SLC39A4: variants seen among roughly 807,000 people sequenced by gnomAD.
SLC39A4 encodes solute carrier family 39 member 4, also known as zinc transporter ZIP4.
Under a neutral mutation model 56.6 loss-of-function variants are expected in SLC39A4, and 49 were observed. That is an observed-to-expected ratio of 0.87 (90% CI 0.69 to 1.10). SLC39A4 has a LOEUF of 1.10. Ranked by LOEUF, SLC39A4 falls within the 50% of genes least tolerant of loss-of-function variation. The probability of loss-of-function intolerance (pLI) is 0.00; values close to 1 mark genes in which losing one functional copy is unlikely to be tolerated. For synonymous variants in SLC39A4, 540 were observed against 420.4 expected, an observed-to-expected ratio of 1.28 and a Z score of -3.48; for missense variants, 993 against 864.2, an observed-to-expected ratio of 1.15 and a Z score of -1.87.
Position 144,415,984 on chromosome 8 carries a change from G to C in SLC39A4, c.300C>G (p.Ala100=), listed in dbSNP as rs374813285. 2 of 1,591,098 alleles carry C rather than the reference G, an allele frequency of 1.3e-6. No individual in the cohort carries two copies. The highest frequency in any genetic ancestry group is 1.7e-6 in the Non-Finnish European group (2 of 1,170,396). The change falls in exon 2 of 12, where the codon GCC becomes GCG. Residue 100 remains alanine, a synonymous_variant. Coordinates refer to ENST00000301305, the MANE Select transcript of SLC39A4 (RefSeq NM_130849.4). ...ARYVARLSAA[A]VLYLSNPEGT... ...CCTCGGGGTTGCTGAGGTACAGGAC[G>C]GCGGCGGCACTGAGGCGGGCGACGT... is the stretch of plus-strand genomic sequence containing the variant.
rs782717750 is a variant in SLC39A4 at position 144,416,777 on chromosome 8, C to G, written c.13G>C (p.Val5Leu). The G allele has an allele frequency of 1.9e-6, 3 of 1,612,222 alleles. No homozygotes were observed. In the Admixed American group the frequency reaches 5.0e-5, roughly 27 times the overall value. Residue 5 changes from valine (V) to leucine (L), a missense_variant, in exon 1 of 12, where the codon GTC becomes CTC. Transcript: ENST00000301305. MASL[V>L]SLELGLLLAV... is the part of the protein sequence containing the mutation. ...AGAAGCAGCCCCAGCTCCAGCGAGA[C>G]CAGGGACGCCATACTCAGCTCCCAG...
chr8:144,415,466 C>T lies in SLC39A4; in HGVS notation c.475-47G>A, dbSNP rs1554873667. The T allele has an allele frequency of 1.9e-6, 3 of 1,542,376 alleles. No homozygotes were observed. In the East Asian group the frequency reaches 7.2e-5, roughly 37 times the overall value. ...CCTCAGCCTTTGGTGTGACCTTCTGCCATCCACCCCGCTGCCCCTGGATGC... is the reference window on the plus strand; with the variant it reads ...CCTCAGCCTTTGGTGTGACCTTCTGTCATCCACCCCGCTGCCCCTGGATGC... On this transcript the variant is annotated intron_variant, in intron 2 of 11. Transcript: ENST00000301305.
Position 144,413,865 on chromosome 8 carries a change from G to C in SLC39A4, c.1304C>G (p.Pro435Arg), listed in dbSNP as rs781957662. 6.2e-7 allele frequency: 1 copy of C among 1,603,398 alleles called. No homozygotes were observed. The highest frequency in any genetic ancestry group is 1.1e-5 in the South Asian group (1 of 89,726). Residue 435 changes from proline to arginine, a missense_variant, in exon 8 of 12, where the codon CCC becomes CGC. Transcript: ENST00000301305. ...GTGGCTATGGCTGCTGTGGCCGCAG[G>C]GCCCGTCCTCCAGGTCCTGTGAGGG... is the stretch of plus-strand genomic sequence containing the variant. ...PRDPEDLEDG[P>R]CGHSSHSHGG...
intron 1 of SLC39A4, 24 bp from the exon 2 acceptor site, chr8:144,416,115 G>T: frequency 6.2e-7 from 1 of 1,600,086 alleles, no homozygotes. Context: ...CAAGTGAGCA[G>T]GGGCGCTGGG....
chr8:144,412,480 G>C lies in SLC39A4; in HGVS notation c.*58C>G. ...CTCTATAGGGGCTTCTGGTTTCTGG[G>C]CTGTAGGTTTGTGAGGTGTGGGATC... On this transcript the variant is annotated 3_prime_UTR_variant, in exon 12 of 12. Transcript: ENST00000301305. 2 of 1,613,588 alleles carry C rather than the reference G, an allele frequency of 1.2e-6. No homozygotes were observed. The highest frequency in any genetic ancestry group is 8.5e-7 in the Non-Finnish European group (1 of 1,179,872).
intron 6 of SLC39A4, 74 bp from the exon 7 acceptor site, chr8:144,414,169 G>T: frequency 6.4e-7 from 1 of 1,567,716 alleles, no homozygotes; most frequent in Non-Finnish European, 8.6e-7. Context: ...AGAGGGGTCA[G>T]GAGGTGGGGT....
rs1283045101 is a variant in SLC39A4, at chr8:144,413,733, A to G, written c.1419+17T>C. Reference sequence around the variant, plus strand: ...GGAGGGGCTCCGCGTGGGATGGGGCATCTGGCGCCCACTCACCAGGTCTGC... The same window carrying G: ...GGAGGGGCTCCGCGTGGGATGGGGCGTCTGGCGCCCACTCACCAGGTCTGC... On this transcript the variant is annotated intron_variant, in intron 8 of 11. Transcript: ENST00000301305. 6.5e-7 allele frequency: 1 copy of G among 1,535,292 alleles called. No individual in the cohort carries two copies. Among genetic ancestry groups the G allele is most frequent in the Non-Finnish European group, 8.7e-7 (1 of 1,146,288 alleles).
chr8:144,416,355 G>A (rs1822198069), intron 1 of SLC39A4: 9 of 1,461,140 alleles, frequency 6.2e-6, no homozygotes, highest in Non-Finnish European at 8.1e-6. Flanking sequence ...ATGGCAGAGG[G>A]CCGGCAGGGG....
At chr8:144,413,588 G>C (rs1554872478) in intron 8 of SLC39A4, 21 bp from the exon 9 acceptor site, 5 of 1,549,990 alleles carry the variant, frequency 3.2e-6, no homozygotes, top group Middle Eastern at 1.8e-4. Flanking sequence ...CCTTGAGTAA[G>C]TCCCGCCCGG....
rs1312089308 is a variant in SLC39A4 at position 144,415,035 on chromosome 8, G to A, written c.743C>T (p.Ala248Val). The A allele has an allele frequency of 6.2e-7, 1 of 1,611,454 alleles. No homozygotes were observed. The highest frequency in any genetic ancestry group is 1.7e-5 in the Admixed American group (1 of 60,020). ...HSDHSHRHRG[A>V]SSRDPVPLIS... ...GAGGGGCACAGGGTCCCGGCTGCTG[G>A]CTCCCCTGTGCCGATGACTGTGGTC... The change falls in exon 4 of 12, where the codon GCC becomes GTC. Residue 248 changes from alanine to valine, a missense_variant. Ala to Val is a moderately conservative substitution (Grantham distance 64). Coordinates refer to ENST00000301305, the MANE Select transcript of SLC39A4 (RefSeq NM_130849.4).
chr8:144,414,066 C>T lies in SLC39A4; in HGVS notation c.1179G>A (p.Glu393=), dbSNP rs782742517. The change falls in exon 7 of 12, where the codon GAG becomes GAA. Residue 393 remains glutamate, a synonymous_variant. Coordinates refer to ENST00000301305, the MANE Select transcript of SLC39A4 (RefSeq NM_130849.4). ...GCCAGGTGGGCTGTGGGCTGAGGCC[C>T]TCTTCGCTGTGTGTATGCAGCCCCA... The part of the protein sequence containing the change: ...KVLGLHTHSE[E]GLSPQPTWRL... 4.5e-6 allele frequency: 7 copies of T among 1,564,522 alleles called. No individual in the cohort carries two copies. Among genetic ancestry groups the T allele is most frequent in the Non-Finnish European group, 6.1e-6 (7 of 1,154,796 alleles).
intron 1 of SLC39A4, 155 bp downstream of exon 1, chr8:144,416,442 TG>T: frequency 6.9e-7 from 1 of 1,451,920 alleles, no homozygotes. Context: ...AGCAGGAGGG[TG>T]GGCTCTGGCC....
At chr8:144,415,729 A>G in intron 2 of SLC39A4, 81 bp downstream of exon 2, 1 of 1,454,184 alleles carries the variant, frequency 6.9e-7, no homozygotes, top group South Asian at 1.4e-5. Context: ...GGCTCCCCGA[A>G]GGCTTTGCAG....
Position 144,413,220 on chromosome 8 carries a change from G to A in SLC39A4, c.1627+17C>T, listed in dbSNP as rs782035458. 1.3e-5 allele frequency: 20 copies of A among 1,552,506 alleles called. No individual in the cohort carries two copies. The highest frequency in any genetic ancestry group is 1.5e-5 in the Non-Finnish European group (17 of 1,153,726). Reference sequence around the variant, plus strand: ...TGCGGCCCCGCCCATCTCCTTCCAGGCCCCGCCTGCGCTCACCCAGCTCGT... The same window carrying A: ...TGCGGCCCCGCCCATCTCCTTCCAGACCCCGCCTGCGCTCACCCAGCTCGT... On this transcript the variant is annotated intron_variant, in intron 10 of 11. Transcript: ENST00000301305.
Position 144,416,168 on chromosome 8 carries a change from C to G in SLC39A4, c.193-77G>C, listed in dbSNP as rs201033457. 7 of 1,595,480 alleles carry G rather than the reference C, an allele frequency of 4.4e-6. No individual in the cohort carries two copies. In the South Asian group the frequency reaches 5.6e-5, roughly 13 times the overall value. ...AGGCAGGCCTGGCCAGGGGCTTCCC[C>G]GAGGGCCTGTTTCCCTTTCAAGTCC... On this transcript the variant is annotated intron_variant, in intron 1 of 11. Transcript: ENST00000301305.
rs1040441696 is a variant in SLC39A4 at position 144,413,779 on chromosome 8, G to C, written c.1390C>G (p.Pro464Ala). 9.1e-6 allele frequency: 14 copies of C among 1,546,374 alleles called. No individual in the cohort carries two copies. The Middle Eastern group carries it at 2.3e-3, about 251-fold the overall frequency. The change falls in exon 8 of 12, where the codon CCC becomes GCC. Residue 464 changes from proline (P) to alanine (A), a missense_variant. By Grantham distance (27) the Pro-to-Ala change is conservative (BLOSUM62 -1). Coordinates refer to ENST00000301305, the MANE Select transcript of SLC39A4 (RefSeq NM_130849.4). The stretch of plus-strand genomic sequence containing the variant: ...TCTGCGCGGGAGCCCTCGTGGGGGG[G>C]CTTGGGCTGCCGGAGCTCGCTGGGT... ...LAPSELRQPKPPHEGSRADLV... is the reference protein window; with the variant it reads ...LAPSELRQPKAPHEGSRADLV...
At chr8:144,416,161 G>A in intron 1 of SLC39A4, 70 bp from the exon 2 acceptor site, 1 of 1,595,284 alleles carries the variant, frequency 6.3e-7, no homozygotes, top group East Asian at 2.2e-5. Flanking sequence ...CTGGCCAGGG[G>A]CTTCCCCGAG....
intron 5 of SLC39A4, 137 bp from the exon 6 acceptor site, chr8:144,414,571 C>T (rs1822083217): frequency 6.7e-7 from 1 of 1,494,970 alleles, no homozygotes; most frequent in Non-Finnish European, 9.0e-7. Flanking sequence ...CTCAAAGCCC[C>T]ACTCTCCTGG....
Position 144,415,012 on chromosome 8 carries a change from G to T in SLC39A4, c.766C>A (p.Leu256Ile). The change falls in exon 4 of 12, where the codon CTC (leucine) becomes ATC (isoleucine). Residue 256 changes from leucine to isoleucine, a missense_variant. Transcript: ENST00000301305. ...CTGGAGCTGTTGCTGGAGCTGATGA[G>T]GGGCACAGGGTCCCGGCTGCTGGCT... The part of the protein sequence containing the change: ...RGASSRDPVP[L>I]ISSSNSSSVW... The T allele has an allele frequency of 6.2e-7, 1 of 1,611,940 alleles. No individual in the cohort carries two copies.
Sources: gnomAD v4.1 joint callset for allele counts on GRCh38, gnomAD v4.1.1 for gene constraint, MANE v1.5 for transcripts, NCBI Gene and HGNC (gene_info 2026-07-23, HGNC 2026-07-21) for gene names.